Variants in ABLIM3 observed in about 807,000 individuals in gnomAD.
The protein encoded by ABLIM3 is actin-binding LIM protein 3.
In ABLIM3, 61 loss-of-function variants were observed where a neutral mutation model predicts 109.5. The observed-to-expected ratio is 0.56, with a 90% CI of 0.45 to 0.69. The LOEUF is 0.69. Among genes scored for constraint, ABLIM3 ranks in the 30% least tolerant of loss-of-function variants. The pLI is 0.00. For synonymous variants in ABLIM3, 300 were observed against 324.8 expected (o/e 0.92, Z 0.82); for missense variants, 796 against 889.5 (o/e 0.89, Z 1.34).
intron 7 of ABLIM3, among the ~76,000 whole-genome samples, chr5:149,213,019 C>T (rs758414466): frequency 3.9e-5 from 6 of 152,152 alleles, no homozygotes; most frequent in East Asian, 3.9e-4. Flanking sequence ...CTAGCCATTC[C>T]GGAGGATCAC....
chr5:149,247,658 TG>T, intron 17 of ABLIM3, 123 bp from the exon 18 acceptor site: 1 of 1,271,768 alleles, frequency 7.9e-7, no homozygotes. Flanking sequence ...GGAGGGACGC[TG>T]GGAAGGCAAA....
chr5:149,196,585 A>C (rs904882712), intron 3 of ABLIM3, among the ~76,000 whole-genome samples: 2 of 152,244 alleles, frequency 1.3e-5, no homozygotes, highest in Non-Finnish European at 2.9e-5. Context: ...GTGGAAAGTC[A>C]GTCCATCAGA....
chr5:149,189,882 A>G (rs1374151889), intron 3 of ABLIM3, among the ~76,000 whole-genome samples: 1 of 152,352 alleles, frequency 6.6e-6, no homozygotes, highest in East Asian at 1.9e-4. Flanking sequence ...AAGAGAAATA[A>G]AAATATATGT....
At chr5:149,153,934 G>A (rs1037879009) in intron 2 of ABLIM3, among the ~76,000 whole-genome samples, 6 of 152,212 alleles carry the variant, frequency 3.9e-5, no homozygotes, top group African/African-American at 1.4e-4. Context: ...TTCTCTCGCA[G>A]CAGAATGCTA....
intron 18 of ABLIM3, among the ~76,000 whole-genome samples, chr5:149,248,457 C>T (rs554742407): frequency 9.2e-5 from 14 of 151,946 alleles, no homozygotes; most frequent in East Asian, 5.8e-4. Flanking sequence ...TTTAGGAGGC[C>T]GAGGCGGGCA....
At chr5:149,176,591 C>G (rs539428632) in intron 2 of ABLIM3, among the ~76,000 whole-genome samples, 1 of 152,172 alleles carries the variant, frequency 6.6e-6, no homozygotes, top group South Asian at 2.1e-4. Context: ...GTTTCATTCT[C>G]CTGTAAAATG....
chr5:149,145,515 G>A (rs1351602416), intron 2 of ABLIM3, among the ~76,000 whole-genome samples: 2 of 152,090 alleles, frequency 1.3e-5, no homozygotes, highest in African/African-American at 4.8e-5. Flanking sequence ...TCCAGTAATG[G>A]GATTGCTAGG....
In ABLIM3 at chr5:149,201,406, C is replaced by A. The variant is rs117699726; in HGVS notation, c.448+978C>A. 7.2e-4 allele frequency among the ~76,000 whole-genome samples: 110 copies of A among 152,276 alleles called. 3 individuals are homozygous for A. In the East Asian group the frequency reaches 0.02, roughly 28 times the overall value. ...GGGTGCAGGGTGCTGTTGGCCATGGCACCAGCAGAGTCAGCATGCTGGGCT... is the reference window on the plus strand; with the variant it reads ...GGGTGCAGGGTGCTGTTGGCCATGGAACCAGCAGAGTCAGCATGCTGGGCT... On this transcript the variant is annotated intron_variant, in intron 5 of 23. Transcript: ENST00000309868.
chr5:149,253,799 G>A (rs1280588594), intron 23 of ABLIM3, among the ~76,000 whole-genome samples: 1 of 152,108 alleles, frequency 6.6e-6, no homozygotes, highest in East Asian at 1.9e-4. Flanking sequence ...CTTACAGCCT[G>A]TTGCCACTCC....
At chr5:149,205,236 T>C (rs1415065037) in intron 5 of ABLIM3, among the ~76,000 whole-genome samples, 3 of 152,204 alleles carry the variant, frequency 2.0e-5, no homozygotes, top group African/African-American at 4.8e-5. Context: ...AAGACAGTCA[T>C]GACAATCATA....
chr5:149,166,470 TC>T (rs1754840205), intron 2 of ABLIM3, among the ~76,000 whole-genome samples: 1 of 152,176 alleles, frequency 6.6e-6, no homozygotes. Context: ...GTATGTTCCA[TC>T]CTCTTCAGCA....
rs745733153 is a variant in ABLIM3, at chr5:149,246,536, G to A, written c.1541G>A (p.Ser514Asn). The A allele has an allele frequency of 1.9e-6, 3 of 1,614,016 alleles. No homozygotes were observed. Among genetic ancestry groups the A allele is most frequent in the Non-Finnish European group, 2.5e-6 (3 of 1,180,040 alleles). ...SGGEEDDFDR[S>N]MHKLQSGIGR... ...GGAGAGGAGGATGATTTTGACCGCA[G>A]CATGCACAAGGTGGGCAGAGACCAC... The change falls in exon 17 of 24, where the codon AGC (serine) becomes AAC (asparagine). Residue 514 changes from serine to asparagine, a missense_variant. Ser to Asn is a conservative substitution (Grantham distance 46). Transcript: ENST00000309868.
At chr5:149,256,762 GA>G (rs1754461395) in intron 23 of ABLIM3, among the ~76,000 whole-genome samples, 1 of 152,218 alleles carries the variant, frequency 6.6e-6, no homozygotes, top group Admixed American at 6.5e-5. Flanking sequence ...AGCAAATGTG[GA>G]AAACCTCACA....
chr5:149,224,238 ATATACTT>A (rs894977974), intron 8 of ABLIM3, among the ~76,000 whole-genome samples: 13 of 152,154 alleles, frequency 8.5e-5, no homozygotes, highest in African/African-American at 3.1e-4. Context: ...TAAGCACTCA[ATATACTT>A]TAATTACTGT....
intron 9 of ABLIM3, among the ~76,000 whole-genome samples, chr5:149,231,344 T>C (rs929858960): frequency 2.0e-5 from 3 of 152,180 alleles, no homozygotes; most frequent in African/African-American, 7.2e-5. Context: ...CAGAGAGGGA[T>C]TGAGCCTCCC....
In ABLIM3 at chr5:149,250,454, C is replaced by T. The variant is rs371561878; in HGVS notation, c.1737C>T (p.Leu579=). 3 of 1,614,058 alleles carry T rather than the reference C, an allele frequency of 1.9e-6. No individual in the cohort carries two copies. The highest frequency in any genetic ancestry group is 2.7e-5 in the African/African-American group (2 of 74,932). ...RSHYLADSDP[L]ISKSASLPAY... ...CTAGATCCTTCTTTTCAGATCCTCT[C>T]ATCTCCAAATCTGCCTCCCTGCCTG... The change falls in exon 20 of 24, where the codon CTC becomes CTT. Residue 579 remains leucine, a synonymous_variant. Transcript: ENST00000309868.
At chr5:149,244,692 T>A in intron 15 of ABLIM3, 189 bp from the exon 16 acceptor site, 1 of 668,334 alleles carries the variant, frequency 1.5e-6, no homozygotes, top group Non-Finnish European at 2.5e-6. Context: ...AATTACTAAA[T>A]GCAAAATGAG....
chr5:149,159,154 C>T (rs879579661), intron 2 of ABLIM3, among the ~76,000 whole-genome samples: 2 of 152,116 alleles, frequency 1.3e-5, no homozygotes, highest in African/African-American at 2.4e-5. Context: ...AATGGATAAA[C>T]AATCTGTGAT....
At chr5:149,247,963 G>A (rs746274007) in intron 18 of ABLIM3, 34 bp downstream of exon 18, 3 of 1,602,346 alleles carry the variant, frequency 1.9e-6, no homozygotes, top group Non-Finnish European at 1.7e-6. Flanking sequence ...ACGGGGCGGG[G>A]ACACCTTTCT....
Sources: allele counts gnomAD v4.1 joint callset (sites outside exome capture counted in the v4.1 genomes callset), GRCh38; gene constraint gnomAD v4.1.1; transcripts MANE v1.5; gene names NCBI Gene and HGNC (gene_info 2026-07-23, HGNC 2026-07-21).